The following ZNF574 variants were observed in gnomAD, a reference collection of about 807,000 sequenced individuals.
ZNF574 encodes the protein zinc finger protein 574.
A neutral mutation model predicts 56.6 loss-of-function variants in ZNF574; 25 were observed. The ratio of observed to expected loss-of-function variants is 0.44; its 90% CI spans 0.32 to 0.62. ZNF574 has a LOEUF of 0.62. Ranked by LOEUF, ZNF574 falls within the 20% of genes least tolerant of loss-of-function variation. The pLI, the probability that ZNF574 is intolerant of heterozygous loss-of-function variation, is 0.04. For missense variants in ZNF574, 1,065 were observed against 1,218.9 expected (o/e 0.87, Z 1.88); for synonymous variants, 543 against 492.1 (o/e 1.10, Z -1.37).
rs763951788 is a variant in ZNF574, at chr19:42,080,088, C to T, written c.1482C>T (p.Arg494=). The T allele has an allele frequency of 1.9e-6, 3 of 1,613,984 alleles. No homozygotes were observed. The highest frequency in any genetic ancestry group is 2.5e-6 in the Non-Finnish European group (3 of 1,180,036). ...GTTTTGTGCATCGGCTGGAGCGGCG[C>T]CATAAATGCAGCATTTGTGGCAAGA... ...HQRFVHRLER[R]HKCSICGKMF... is the part of the protein sequence containing the mutation. The change falls in exon 2 of 2, where the codon CGC becomes CGT. Residue 494 remains arginine (R), a synonymous_variant. Coordinates refer to ENST00000359044, the MANE Select transcript of ZNF574 (RefSeq NM_022752.6). This position sits in a 1 kb window ranked among gnomAD's most constrained non-coding sequence, Gnocchi z 8.5.
chr19:42,080,787 A>T lies in ZNF574; in HGVS notation c.2181A>T (p.Ala727=), dbSNP rs568301609. The change falls in exon 2 of 2, where the codon GCA becomes GCT. Residue 727 remains alanine (A), a synonymous_variant. Coordinates refer to ENST00000359044, the MANE Select transcript of ZNF574 (RefSeq NM_022752.6). This position sits in a 1 kb window ranked among gnomAD's most constrained non-coding sequence, Gnocchi z 8.5. The part of the protein sequence containing the change: ...SPAALGSTAT[A]SPAAPARRRG... Reference sequence around the variant, plus strand: ...CAGCCCTTGGAAGCACTGCTACAGCATCCCCTGCGGCCCCTGCCCGCCGCC... The same window carrying T: ...CAGCCCTTGGAAGCACTGCTACAGCTTCCCCTGCGGCCCCTGCCCGCCGCC... The T allele has an allele frequency of 1.9e-6, 3 of 1,614,022 alleles. No individual in the cohort carries two copies. In the East Asian group the frequency reaches 6.7e-5, roughly 36 times the overall value.
upstream of ZNF574, among the ~76,000 whole-genome samples, chr19:42,072,858 A>G (rs189317259): frequency 3.0e-3 from 459 of 152,078 alleles, 1 homozygote; most frequent in African/African-American, 0.011. Context: ...GACCCACCGC[A>G]CCCAGCCTGA....
chr19:42,070,714 A>C (rs1466460728), intron 1 of ZNF574: 1 of 152,756 alleles, frequency 6.5e-6, no homozygotes. Flanking sequence ...AAGGGGCAGT[A>C]ATGTGGACAT....
Position 42,079,560 on chromosome 19 carries a change from T to C in ZNF574, c.954T>C (p.Phe318=). The C allele has an allele frequency of 1.2e-6, 2 of 1,614,074 alleles. No homozygotes were observed. Among genetic ancestry groups the C allele is most frequent in the Non-Finnish European group, 1.7e-6 (2 of 1,180,002 alleles). ...TCTGCTCAGCCTGTGACCAGCTCTT[T>C]CTCTCACCCCACCAGCTACAGCAGC... ...ELFCSACDQL[F]LSPHQLQQHL... Residue 318 remains phenylalanine (F), a synonymous_variant, in exon 2 of 2, where the codon TTT becomes TTC. Coordinates refer to ENST00000359044, the MANE Select transcript of ZNF574 (RefSeq NM_022752.6). The surrounding 1 kb of genome is among the most constrained non-coding windows in gnomAD (Gnocchi z 4.3).
chr19:42,070,609 C>A (rs753957912), intron 1 of ZNF574: 7 of 153,024 alleles, frequency 4.6e-5, no homozygotes, highest in Non-Finnish European at 1.0e-4. Flanking sequence ...ACAAACCCCA[C>A]AAGGACAAGG....
Position 42,079,616 on chromosome 19 carries a change from AGTGCCCCCT to A in ZNF574, c.1015_1023del (p.Pro339_Cys341del). On this transcript the variant is annotated inframe_deletion, in exon 2 of 2. Transcript: ENST00000359044. The surrounding 1 kb of genome is among the most constrained non-coding windows in gnomAD (Gnocchi z 4.3). The stretch of plus-strand genomic sequence containing the variant: ...CGGAGTCACCGGGAGGGCGTCTTTA[AGTGCCCCCT>A]GTGCAGTCGTGTCTTCCCTAGCCCT... 1 of 1,614,166 alleles carries A rather than the reference AGTGCCCCCT, an allele frequency of 6.2e-7. No homozygotes were observed. Among genetic ancestry groups the A allele is most frequent in the Non-Finnish European group, 8.5e-7 (1 of 1,180,020 alleles).
chr19:42,072,527 C>T (rs2076431159), upstream of ZNF574, among the ~76,000 whole-genome samples: 1 of 151,808 alleles, frequency 6.6e-6, no homozygotes. Context: ...CAAGCCACTG[C>T]ACCCGGCCAG....
chr19:42,072,990 T>C (rs1301839746), upstream of ZNF574, among the ~76,000 whole-genome samples: 1 of 152,266 alleles, frequency 6.6e-6, no homozygotes, highest in African/African-American at 2.4e-5. Flanking sequence ...CCAGGTGATT[T>C]TGCCCTAAGG....
intron 1 of ZNF574, chr19:42,071,104 G>C (rs920305515): frequency 1.3e-5 from 2 of 152,638 alleles, no homozygotes; most frequent in African/African-American, 4.8e-5. Context: ...TCATTCTCTA[G>C]TCACAGGAGC....
At position 42,079,108 on chromosome 19, in the gene ZNF574, C is replaced by T. The variant is rs1327947661; in HGVS notation, c.502C>T (p.Leu168=). 1 of 1,613,988 alleles carries T rather than the reference C, an allele frequency of 6.2e-7. No individual in the cohort carries two copies. Among genetic ancestry groups the T allele is most frequent in the African/African-American group, 1.3e-5 (1 of 74,926 alleles). Residue 168 remains leucine (L), a synonymous_variant, in exon 2 of 2, where the codon CTA becomes TTA. Coordinates refer to ENST00000359044, the MANE Select transcript of ZNF574 (RefSeq NM_022752.6). The surrounding 1 kb of genome is among the most constrained non-coding windows in gnomAD (Gnocchi z 4.3). The part of the protein sequence containing the change: ...APVVLGSPVV[L]GPPVGQARVA... Reference sequence around the variant, plus strand: ...TGTTGTCCTGGGGTCCCCAGTTGTTCTAGGGCCTCCTGTGGGCCAGGCCCG... The same window carrying T: ...TGTTGTCCTGGGGTCCCCAGTTGTTTTAGGGCCTCCTGTGGGCCAGGCCCG...
chr19:42,072,081 G>T (rs1045798806), upstream of ZNF574, among the ~76,000 whole-genome samples: 1 of 151,608 alleles, frequency 6.6e-6, no homozygotes, highest in African/African-American at 2.4e-5. Flanking sequence ...AGCCAGTCCT[G>T]CACTACCACC....
At position 42,079,168 on chromosome 19, in the gene ZNF574, G is replaced by T; in HGVS notation, c.562G>T (p.Glu188Ter). 1 of 1,613,964 alleles carries T rather than the reference G, an allele frequency of 6.2e-7. No homozygotes were observed. Among genetic ancestry groups the T allele is most frequent in the Non-Finnish European group, 8.5e-7 (1 of 1,180,026 alleles). ...GGAGCACTCATACCGAAAGGCAGAAGAGGGTGGGGAAGGGGCGACTGTCCC... is the reference window on the plus strand; with the variant it reads ...GGAGCACTCATACCGAAAGGCAGAATAGGGTGGGGAAGGGGCGACTGTCCC... ...AVEHSYRKAE[E>*]GGEGATVPSA... The change falls in exon 2 of 2, where the codon GAG becomes TAG. Residue 188 changes from glutamate (E) to a stop codon, truncating the protein, a stop_gained. Coordinates refer to ENST00000359044, the MANE Select transcript of ZNF574 (RefSeq NM_022752.6). LOFTEE classifies it high-confidence loss of function. This position sits in a 1 kb window ranked among gnomAD's most constrained non-coding sequence, Gnocchi z 4.3.
chr19:42,068,643 G>A (rs922492763), exon 1 of ZNF574: 5 of 428,862 alleles, frequency 1.2e-5, no homozygotes, highest in South Asian at 1.3e-4. Context: ...GAGACCTGCC[G>A]AGGGAGACTT....
chr19:42,071,758 C>CT (rs1380842706), upstream of ZNF574, among the ~76,000 whole-genome samples: 1 of 152,156 alleles, frequency 6.6e-6, no homozygotes, highest in Non-Finnish European at 1.5e-5. Flanking sequence ...AACCCCAGCA[C>CT]TTTGGAAGGC....
upstream of ZNF574, among the ~76,000 whole-genome samples, chr19:42,072,676 C>G (rs568620834): frequency 6.6e-6 from 1 of 152,180 alleles, no homozygotes; most frequent in Non-Finnish European, 1.5e-5. Flanking sequence ...AAGTGATTCT[C>G]CTGCCTCAGC....
Position 42,081,005 on chromosome 19 carries a change from G to A in ZNF574, c.2399G>A (p.Gly800Asp). 1 of 1,614,226 alleles carries A rather than the reference G, an allele frequency of 6.2e-7. No individual in the cohort carries two copies. Among genetic ancestry groups the A allele is most frequent in the Non-Finnish European group, 8.5e-7 (1 of 1,180,052 alleles). ...CGGCCCTTTGCCTGTGAAGTGTGTG[G>A]CAAGGCCTTTGCCATCTCCATGCGC... Reference protein sequence around the residue: ...GERPFACEVCGKAFAISMRLA... With the variant: ...GERPFACEVCDKAFAISMRLA... Residue 800 changes from glycine to aspartate, a missense_variant, in exon 2 of 2, where the codon GGC (glycine) becomes GAC (aspartate). Physicochemically the swap from Gly to Asp is moderately conservative, Grantham distance 94. Coordinates refer to ENST00000359044, the MANE Select transcript of ZNF574 (RefSeq NM_022752.6).
rs373082867 is a variant in ZNF574 at position 42,080,137 on chromosome 19, C to G, written c.1531C>G (p.Arg511Gly). 1 of 1,613,942 alleles carries G rather than the reference C, an allele frequency of 6.2e-7. No homozygotes were observed. Among genetic ancestry groups the G allele is most frequent in the African/African-American group, 1.3e-5 (1 of 74,932 alleles). Residue 511 changes from arginine (R) to glycine (G), a missense_variant, in exon 2 of 2, where the codon CGT becomes GGT. Arg to Gly is a moderately radical substitution (Grantham distance 125, BLOSUM62 -2). Coordinates refer to ENST00000359044, the MANE Select transcript of ZNF574 (RefSeq NM_022752.6). The surrounding 1 kb of genome is among the most constrained non-coding windows in gnomAD (Gnocchi z 8.5). ...GKMFKKKSHV[R>G]NHLRTHTGER... ...GATGTTCAAGAAGAAGTCTCACGTG[C>G]GTAACCACCTGCGCACACACACAGG...
At position 42,079,090 on chromosome 19, in the gene ZNF574, C is replaced by G. The variant is rs1471785583; in HGVS notation, c.484C>G (p.Leu162Val). The G allele has an allele frequency of 6.2e-7, 1 of 1,614,196 alleles. No individual in the cohort carries two copies. The highest frequency in any genetic ancestry group is 1.3e-5 in the African/African-American group (1 of 75,060). Residue 162 changes from leucine (L) to valine (V), a missense_variant, in exon 2 of 2, where the codon CTG (leucine) becomes GTG (valine). Leu to Val is a conservative substitution (Grantham distance 32). Coordinates refer to ENST00000359044, the MANE Select transcript of ZNF574 (RefSeq NM_022752.6). This position sits in a 1 kb window ranked among gnomAD's most constrained non-coding sequence, Gnocchi z 4.3. ...TPTKAPAPVV[L>V]GSPVVLGPPV... ...CACCAAGGCTCCTGCCCCTGTTGTCCTGGGGTCCCCAGTTGTTCTAGGGCC... is the reference window on the plus strand; with the variant it reads ...CACCAAGGCTCCTGCCCCTGTTGTCGTGGGGTCCCCAGTTGTTCTAGGGCC...
upstream of ZNF574, chr19:42,075,124 G>A (rs1386797544): frequency 1.3e-5 from 2 of 152,006 alleles, no homozygotes; most frequent in African/African-American, 4.8e-5. Flanking sequence ...GACTTCAAGT[G>A]AACCCGCCTC....
Sources: gnomAD v4.1 joint callset for allele counts (sites outside exome capture counted in the v4.1 genomes callset) on GRCh38, gnomAD v4.1.1 for gene constraint, Gnocchi (gnomAD v3.1) non-coding constraint, MANE v1.5 for transcripts, NCBI Gene and HGNC (gene_info 2026-07-23, HGNC 2026-07-21) for gene names.